The following LHFPL3 variants were observed in gnomAD, a reference collection of about 807,000 sequenced individuals.
The protein encoded by LHFPL3 is LHFPL tetraspan subfamily member 3 protein.
LHFPL3 carries 5 observed loss-of-function variants against 19.3 expected under a neutral mutation model. The ratio of observed to expected loss-of-function variants is 0.26; its 90% CI spans 0.14 to 0.54. The LOEUF (loss-of-function observed/expected upper bound fraction) is 0.54, where lower values mean the gene tolerates loss of function less well. LHFPL3 is among the 20% of genes least tolerant of loss of function. LHFPL3 has a pLI of 0.94. For synonymous variants in LHFPL3, 133 were observed against 126.2 expected (o/e 1.05, Z -0.36); for missense variants, 249 against 307.4 (o/e 0.81, Z 1.42).
intron 2 of LHFPL3, among the ~76,000 whole-genome samples, chr7:104,795,000 G>A (rs1260582269): frequency 6.6e-6 from 1 of 152,192 alleles, no homozygotes; most frequent in Non-Finnish European, 1.5e-5. Flanking sequence ...GTTAGCACCT[G>A]GATAACAGAT....
intron 1 of LHFPL3, among the ~76,000 whole-genome samples, chr7:104,353,288 G>A (rs1418383997): frequency 6.6e-6 from 1 of 152,206 alleles, no homozygotes; most frequent in Non-Finnish European, 1.5e-5. Context: ...GCAACTGCAT[G>A]AAACAGGAGT....
intron 1 of LHFPL3, among the ~76,000 whole-genome samples, chr7:104,366,979 T>C (rs558352496): frequency 6.6e-6 from 1 of 152,306 alleles, no homozygotes; most frequent in East Asian, 1.9e-4. Context: ...TGGTTGTTAA[T>C]TATATAGTTA....
chr7:104,369,037 A>C (rs1790556948), intron 1 of LHFPL3, among the ~76,000 whole-genome samples: 1 of 152,216 alleles, frequency 6.6e-6, no homozygotes, highest in Non-Finnish European at 1.5e-5. Flanking sequence ...GACGTAAACC[A>C]TACCTTTTTA....
intron 1 of LHFPL3, among the ~76,000 whole-genome samples, chr7:104,462,549 G>T (rs1416969909): frequency 6.6e-6 from 1 of 152,074 alleles, no homozygotes; most frequent in Non-Finnish European, 1.5e-5. Flanking sequence ...TTATTGATTT[G>T]CGTTATGTTG....
intron 1 of LHFPL3, among the ~76,000 whole-genome samples, chr7:104,631,702 C>A (rs1584450987): frequency 6.6e-6 from 1 of 152,170 alleles, no homozygotes; most frequent in African/African-American, 2.4e-5. Flanking sequence ...CACTTCTAGG[C>A]ACTTTCTTTT....
intron 1 of LHFPL3, among the ~76,000 whole-genome samples, chr7:104,589,999 T>G (rs1790674120): frequency 6.6e-6 from 1 of 152,228 alleles, no homozygotes; most frequent in South Asian, 2.1e-4. Context: ...GATTCTTCTC[T>G]CTTTTATTCT....
intron 1 of LHFPL3, among the ~76,000 whole-genome samples, chr7:104,386,781 G>A (rs1790953197): frequency 6.6e-6 from 1 of 152,096 alleles, no homozygotes; most frequent in South Asian, 2.1e-4. Context: ...AGATTTCCAT[G>A]GGTGTAAATA....
intron 1 of LHFPL3, among the ~76,000 whole-genome samples, chr7:104,358,901 G>A (rs1790336959): frequency 6.6e-6 from 1 of 152,240 alleles, no homozygotes; most frequent in South Asian, 2.1e-4. Context: ...ATGGATGTCA[G>A]CATAATGATC....
In LHFPL3 at chr7:104,668,033, C is replaced by T. The variant is rs536652832; in HGVS notation, c.446-68642C>T. 3.5e-5 allele frequency: 56 copies of T among 1,613,750 alleles called. No individual in the cohort carries two copies. The East Asian group carries it at 9.6e-4, about 28-fold the overall frequency. ...GGAGCCGTCTTCCCAAATCGCCACC[C>T]TACACTGCTTTTCTAGGAAACCTAC... On this transcript the variant is annotated intron_variant, in intron 1 of 2. Transcript: ENST00000424859.
intron 1 of LHFPL3, among the ~76,000 whole-genome samples, chr7:104,636,873 C>T (rs1395786511): frequency 1.3e-5 from 2 of 152,108 alleles, no homozygotes; most frequent in Non-Finnish European, 2.9e-5. Flanking sequence ...TATGGTAGAA[C>T]AATTTACATT....
intron 2 of LHFPL3, among the ~76,000 whole-genome samples, chr7:104,881,139 C>T (rs1049150750): frequency 1.4e-5 from 2 of 145,494 alleles, no homozygotes; most frequent in African/African-American, 5.1e-5. Context: ...CACTGCACTC[C>T]AGCCTGGGCA....
chr7:104,416,894 A>G (rs950895947), intron 1 of LHFPL3, among the ~76,000 whole-genome samples: 6 of 152,222 alleles, frequency 3.9e-5, no homozygotes, highest in African/African-American at 1.4e-4. Context: ...GGAAGGCAGA[A>G]AGGCAAGAAA....
intron 1 of LHFPL3, among the ~76,000 whole-genome samples, chr7:104,539,982 G>A (rs1794454836): frequency 6.6e-6 from 1 of 152,146 alleles, no homozygotes; most frequent in South Asian, 2.1e-4. Flanking sequence ...GGAAGGCAGA[G>A]TGTTATAGGA....
At chr7:104,519,897 G>A (rs1024927874) in intron 1 of LHFPL3, among the ~76,000 whole-genome samples, 2 of 151,964 alleles carry the variant, frequency 1.3e-5, no homozygotes, top group South Asian at 4.2e-4. Context: ...GTTGTCCTTG[G>A]TGCAAGTGGA....
intron 1 of LHFPL3, among the ~76,000 whole-genome samples, chr7:104,419,281 C>G (rs1183524546): frequency 2.0e-5 from 3 of 152,130 alleles, no homozygotes; most frequent in Non-Finnish European, 4.4e-5. Context: ...AGCAGAGTGA[C>G]AGGTTCAAAG....
intron 2 of LHFPL3, among the ~76,000 whole-genome samples, chr7:104,899,122 C>T (rs1448292950): frequency 6.8e-6 from 1 of 146,608 alleles, no homozygotes; most frequent in Non-Finnish European, 1.5e-5. Flanking sequence ...TATATATATA[C>T]TGTCAATATT....
chr7:104,876,519 G>GA (rs1466321912), intron 2 of LHFPL3, among the ~76,000 whole-genome samples: 3 of 150,848 alleles, frequency 2.0e-5, no homozygotes, highest in South Asian at 2.1e-4. Context: ...AAAGACACAT[G>GA]AAAAAATGCT....
intron 2 of LHFPL3, among the ~76,000 whole-genome samples, chr7:104,860,152 CCA>C (rs759445980): frequency 2.1e-4 from 31 of 147,062 alleles, no homozygotes; most frequent in Admixed American, 3.5e-4. Context: ...CCACCACCCC[CCA>C]AATACACACA....
At chr7:104,717,060 TACAC>T (rs1236678266) in intron 1 of LHFPL3, among the ~76,000 whole-genome samples, 1 of 152,004 alleles carries the variant, frequency 6.6e-6, no homozygotes, top group Admixed American at 6.6e-5. Flanking sequence ...GTACCAAAAA[TACAC>T]AGTGGAAAAA....
Sources: allele counts gnomAD v4.1 joint callset (sites outside exome capture counted in the v4.1 genomes callset), GRCh38; gene constraint gnomAD v4.1.1; transcripts MANE v1.5; gene names NCBI Gene and HGNC (gene_info 2026-07-23, HGNC 2026-07-21).